Variants in RBFOX1 observed in about 807,000 individuals in gnomAD.
The protein encoded by RBFOX1 is RNA binding protein fox-1 homolog 1.
In RBFOX1, 8 loss-of-function variants were observed where a neutral mutation model predicts 57.7. The observed-to-expected ratio is 0.14, with a 90% CI of 0.08 to 0.25. The LOEUF is 0.25. Among genes scored for constraint, RBFOX1 ranks in the 10% least tolerant of loss-of-function variants. The pLI is 1.00. For synonymous variants in RBFOX1, 326 were observed against 222.4 expected (o/e 1.47, Z -4.15); for missense variants, 611 against 548.5 (o/e 1.11, Z -1.14).
At chr16:5,881,927 A>T (rs1238375643) in intron 4 of RBFOX1, among the ~76,000 whole-genome samples, 1 of 152,242 alleles carries the variant, frequency 6.6e-6, no homozygotes, top group East Asian at 1.9e-4. Context: ...TAGCAGTGGT[A>T]GCAGCAGCAG....
intron 3 of RBFOX1, among the ~76,000 whole-genome samples, chr16:6,870,499 A>G (rs1214345649): frequency 6.6e-6 from 1 of 152,166 alleles, no homozygotes; most frequent in East Asian, 1.9e-4. Context: ...GAGCTTCATG[A>G]TATTATTTGC....
At chr16:6,294,672 A>T (rs1287070591) in intron 1 of RBFOX1, among the ~76,000 whole-genome samples, 1 of 152,194 alleles carries the variant, frequency 6.6e-6, no homozygotes, top group South Asian at 2.1e-4. Flanking sequence ...GAGGGCTCTT[A>T]GGTTAATGCA....
chr16:6,009,332 T>C (rs2094946325), intron 4 of RBFOX1, among the ~76,000 whole-genome samples: 1 of 152,202 alleles, frequency 6.6e-6, no homozygotes, highest in African/African-American at 2.4e-5. Context: ...GTGAGTCAAG[T>C]AGGGCTTTGA....
intron 4 of RBFOX1, among the ~76,000 whole-genome samples, chr16:5,979,058 T>C (rs940773275): frequency 6.6e-6 from 1 of 152,228 alleles, no homozygotes; most frequent in Non-Finnish European, 1.5e-5. Context: ...CCATGGACAA[T>C]GGTTTAACTG....
At chr16:7,686,690 A>C (rs1046860803) in intron 14 of RBFOX1, among the ~76,000 whole-genome samples, 3 of 152,118 alleles carry the variant, frequency 2.0e-5, no homozygotes, top group Non-Finnish European at 2.9e-5. Flanking sequence ...AATTTTTCCA[A>C]ATGAAGAAAC....
chr16:6,871,419 C>G (rs1479976172), intron 3 of RBFOX1, among the ~76,000 whole-genome samples: 1 of 152,138 alleles, frequency 6.6e-6, no homozygotes, highest in Admixed American at 6.5e-5. Context: ...CTCCTGAGGT[C>G]AAATGATCTG....
At chr16:5,932,347 C>T (rs1025446596) in intron 4 of RBFOX1, among the ~76,000 whole-genome samples, 2 of 152,198 alleles carry the variant, frequency 1.3e-5, no homozygotes, top group East Asian at 1.9e-4. Context: ...AAAACAGAGC[C>T]TCAGTCCTGA....
intron 1 of RBFOX1, among the ~76,000 whole-genome samples, chr16:5,335,698 C>G (rs1217413211): frequency 1.3e-5 from 2 of 152,046 alleles, no homozygotes; most frequent in East Asian, 3.8e-4. Flanking sequence ...AAGGATTTCT[C>G]CCAGTAGATC....
At chr16:6,569,533 C>G (rs147197557) in intron 2 of RBFOX1, among the ~76,000 whole-genome samples, 12 of 152,300 alleles carry the variant, frequency 7.9e-5, no homozygotes, top group African/African-American at 1.9e-4. Context: ...ACCTCTGAGA[C>G]GAAGTCAGTC....
chr16:5,409,254 G>A (rs926623991), intron 1 of RBFOX1, among the ~76,000 whole-genome samples: 1 of 152,158 alleles, frequency 6.6e-6, no homozygotes, highest in Non-Finnish European at 1.5e-5. Flanking sequence ...GTGTGGCTGC[G>A]ATGGACAGTG....
intron 2 of RBFOX1, among the ~76,000 whole-genome samples, chr16:5,511,705 G>T (rs2043599475): frequency 6.6e-6 from 1 of 152,202 alleles, no homozygotes; most frequent in Admixed American, 6.5e-5. Context: ...CCTAGTGAGT[G>T]ATGAAACCAG....
intron 4 of RBFOX1, among the ~76,000 whole-genome samples, chr16:7,231,186 C>T (rs1164858393): frequency 1.3e-5 from 2 of 152,126 alleles, no homozygotes; most frequent in East Asian, 1.9e-4. Context: ...CCCATTCTGC[C>T]AACAGAACAA....
chr16:7,644,040 T>C (rs980937046), intron 11 of RBFOX1, among the ~76,000 whole-genome samples: 1 of 152,100 alleles, frequency 6.6e-6, no homozygotes, highest in Non-Finnish European at 1.5e-5. Flanking sequence ...GTACAGGCAA[T>C]AGGAGGGAAT....
At chr16:6,444,509 T>A (rs1421250617) in intron 2 of RBFOX1, among the ~76,000 whole-genome samples, 3 of 152,096 alleles carry the variant, frequency 2.0e-5, no homozygotes, top group Non-Finnish European at 4.4e-5. Flanking sequence ...TAAAGAGAAG[T>A]TTCCCTGCAC....
chr16:6,471,622 C>T (rs1472578779), intron 2 of RBFOX1, among the ~76,000 whole-genome samples: 1 of 149,282 alleles, frequency 6.7e-6, no homozygotes, highest in African/African-American at 2.5e-5. Context: ...ATTTGTATTT[C>T]TGTTAGCTCT....
chr16:5,360,014 AG>A (rs2065499537), intron 1 of RBFOX1, among the ~76,000 whole-genome samples: 2 of 152,234 alleles, frequency 1.3e-5, no homozygotes, highest in Non-Finnish European at 2.9e-5. Context: ...ATTGAAGGTT[AG>A]TAAGATGTCC....
At chr16:7,421,885 G>T (rs976401606) in intron 4 of RBFOX1, among the ~76,000 whole-genome samples, 1 of 150,242 alleles carries the variant, frequency 6.7e-6, no homozygotes, top group African/African-American at 2.5e-5. Context: ...TGAAGGAGAA[G>T]TGAGCCCTTA....
Position 6,433,564 on chromosome 16 carries a change from T to A in RBFOX1, c.-64+116507T>A, listed in dbSNP as rs113680467. On this transcript the variant is annotated intron_variant, in intron 2 of 15. Coordinates refer to ENST00000550418, the MANE Select transcript of RBFOX1 (RefSeq NM_018723.4). Reference sequence around the variant, plus strand: ...TGGTGCTGTAACAAATTACCACAAATTCAGTGGCTTAAAGCAAGAACCTTA... The same window carrying A: ...TGGTGCTGTAACAAATTACCACAAAATCAGTGGCTTAAAGCAAGAACCTTA... Among the ~76,000 whole-genome samples the A allele has an allele frequency of 5.0e-3, 759 of 152,258 alleles. 6 individuals carry two copies. Among genetic ancestry groups the A allele is most frequent in the Middle Eastern group, 0.02 (6 of 294 alleles).
intron 3 of RBFOX1, among the ~76,000 whole-genome samples, chr16:6,727,549 A>T (rs574366879): frequency 1.7e-3 from 258 of 152,160 alleles, no homozygotes; most frequent in Non-Finnish European, 3.1e-3. Flanking sequence ...ATGAGGGGAG[A>T]GGGAACCGTA....
Sources: gnomAD v4.1 joint callset for allele counts (sites outside exome capture counted in the v4.1 genomes callset) on GRCh38, gnomAD v4.1.1 for gene constraint, MANE v1.5 for transcripts, NCBI Gene and HGNC (gene_info 2026-07-23, HGNC 2026-07-21) for gene names.